The following CADPS variants were observed in gnomAD, a reference collection of about 807,000 sequenced individuals.
The protein encoded by CADPS is calcium-dependent secretion activator 1.
A neutral mutation model predicts 167.3 loss-of-function variants in CADPS; 57 were observed. The observed-to-expected ratio is 0.34, with a 90% CI of 0.28 to 0.42. The LOEUF is 0.42. Among genes scored for constraint, CADPS ranks in the 20% least tolerant of loss-of-function variants. The pLI, the probability that CADPS is intolerant of heterozygous loss-of-function variation, is 1.00. For synonymous variants in CADPS, 676 were observed against 635.3 expected (o/e 1.06, Z -0.96); for missense variants, 1,414 against 1,738.1 (o/e 0.81, Z 3.32).
intron 21 of CADPS, among the ~76,000 whole-genome samples, chr3:62,488,562 GGCTCA>G (rs1305584900): frequency 6.6e-6 from 1 of 151,974 alleles, no homozygotes; most frequent in Non-Finnish European, 1.5e-5. Context: ...GCAGGATCAT[GGCTCA>G]CTGTAACCTT....
intron 3 of CADPS, among the ~76,000 whole-genome samples, chr3:62,695,153 A>G (rs1386305139): frequency 6.6e-6 from 1 of 152,092 alleles, no homozygotes; most frequent in African/African-American, 2.4e-5. Flanking sequence ...TTAACAGAAC[A>G]CAAAGATAGA....
chr3:62,475,602 A>AAC (rs1560910798), intron 23 of CADPS, among the ~76,000 whole-genome samples: 42 of 150,058 alleles, frequency 2.8e-4, no homozygotes, highest in Admixed American at 7.3e-4. Flanking sequence ...AAAAAAAAAA[A>AAC]AAAAAAAAAA....
At chr3:62,802,035 G>A (rs1052116667) in intron 1 of CADPS, among the ~76,000 whole-genome samples, 4 of 152,096 alleles carry the variant, frequency 2.6e-5, no homozygotes, top group Non-Finnish European at 5.9e-5. Flanking sequence ...TGAGGAGAAA[G>A]ATTCAGATTG....
intron 3 of CADPS, among the ~76,000 whole-genome samples, chr3:62,674,993 G>T (rs539930969): frequency 2.8e-4 from 42 of 152,252 alleles, no homozygotes; most frequent in African/African-American, 1.0e-3. Context: ...TTATTCCATG[G>T]TAAGAAGTTA....
In CADPS at chr3:62,464,430, T is replaced by A. The variant is rs550623141; in HGVS notation, c.3636+937A>T. Reference sequence around the variant, plus strand: ...TAAATTGATTCCCTTTCCTATGGTGTTGTCAGAGGAAAACAGCTAGTCTCA... The same window carrying A: ...TAAATTGATTCCCTTTCCTATGGTGATGTCAGAGGAAAACAGCTAGTCTCA... On this transcript the variant is annotated intron_variant, in intron 26 of 29. Transcript: ENST00000383710. 1.2e-3 allele frequency among the ~76,000 whole-genome samples: 187 copies of A among 152,264 alleles called. 2 individuals carry two copies. The highest frequency in any genetic ancestry group is 0.01 in the Middle Eastern group (3 of 294).
At chr3:62,719,748 C>T (rs1274838598) in intron 3 of CADPS, among the ~76,000 whole-genome samples, 1 of 152,186 alleles carries the variant, frequency 6.6e-6, no homozygotes, top group Non-Finnish European at 1.5e-5. Flanking sequence ...AACTAAATGG[C>T]CGTGATGGTC....
chr3:62,860,535 TCA>T (rs1286204775), intron 1 of CADPS, among the ~76,000 whole-genome samples: 3 of 152,150 alleles, frequency 2.0e-5, no homozygotes, highest in Admixed American at 6.6e-5. Flanking sequence ...TGTGTGGGTT[TCA>T]CATCCTGCTA....
At chr3:62,831,745 T>C (rs1644333683) in intron 1 of CADPS, among the ~76,000 whole-genome samples, 1 of 152,058 alleles carries the variant, frequency 6.6e-6, no homozygotes, top group South Asian at 2.1e-4. Context: ...AAAGGAAAAA[T>C]CACTACATAA....
At chr3:62,624,490 T>TA (rs2063686874) in intron 6 of CADPS, among the ~76,000 whole-genome samples, 1 of 152,034 alleles carries the variant, frequency 6.6e-6, no homozygotes, top group South Asian at 2.1e-4. Context: ...GGGCTGGTAA[T>TA]ATATTTTTTT....
chr3:62,411,624 C>T (rs1237693519), intron 28 of CADPS, among the ~76,000 whole-genome samples: 2 of 152,306 alleles, frequency 1.3e-5, no homozygotes, highest in East Asian at 3.9e-4. Context: ...GCTTCATTAG[C>T]CTAAGCCAAA....
At chr3:62,851,087 G>T (rs12629783) in intron 1 of CADPS, among the ~76,000 whole-genome samples, 29,353 of 105,484 alleles carry the variant, frequency 0.28, 4,732 homozygotes, top group East Asian at 0.39. Flanking sequence ...TCAGAGACTA[G>T]GATTGCAACC....
intron 6 of CADPS, among the ~76,000 whole-genome samples, chr3:62,606,577 T>C (rs2060724153): frequency 6.6e-6 from 1 of 152,330 alleles, no homozygotes; most frequent in East Asian, 1.9e-4. Flanking sequence ...TCCTTTTCTT[T>C]ATAAATTATC....
In CADPS at chr3:62,481,740, A is replaced by C. The variant is rs745782734; in HGVS notation, c.3156T>G (p.Ala1052=). ...MPTFSAPSWM[A]AIYDADNGSG... ...ATACACACTCCGCATCATATATAGC[A>C]GCCATCCATGACGGTGCCGAAAAAG... The change falls in exon 22 of 30, where the codon GCT becomes GCG. Residue 1052 remains alanine (A), a synonymous_variant. Coordinates refer to ENST00000383710, the MANE Select transcript of CADPS (RefSeq NM_003716.4). The C allele has an allele frequency of 1.2e-6, 2 of 1,604,022 alleles. No homozygotes were observed. Among genetic ancestry groups the C allele is most frequent in the Non-Finnish European group, 1.7e-6 (2 of 1,177,198 alleles).
At chr3:62,494,281 T>C (rs1000607619) in intron 18 of CADPS, among the ~76,000 whole-genome samples, 1 of 152,164 alleles carries the variant, frequency 6.6e-6, no homozygotes, top group African/African-American at 2.4e-5. Flanking sequence ...GTCCAGTAGA[T>C]AGAGAAACCC....
intron 28 of CADPS, among the ~76,000 whole-genome samples, chr3:62,429,105 T>C (rs935187073): frequency 2.0e-5 from 3 of 152,248 alleles, no homozygotes; most frequent in Non-Finnish European, 4.4e-5. Context: ...CTGCATCACA[T>C]AAATATTGTT....
At chr3:62,732,163 C>A (rs1454830719) in intron 3 of CADPS, among the ~76,000 whole-genome samples, 1 of 152,104 alleles carries the variant, frequency 6.6e-6, no homozygotes, top group Non-Finnish European at 1.5e-5. Flanking sequence ...CCTTGTGTAA[C>A]CTCTTCTTCT....
intron 1 of CADPS, among the ~76,000 whole-genome samples, chr3:62,815,320 G>A (rs2094563676): frequency 6.6e-6 from 1 of 151,802 alleles, no homozygotes; most frequent in East Asian, 1.9e-4. Context: ...AAATTAGTGA[G>A]TGAAGAGGCC....
intron 1 of CADPS, among the ~76,000 whole-genome samples, chr3:62,771,836 G>T (rs1235831970): frequency 1.2e-4 from 18 of 152,194 alleles, no homozygotes; most frequent in Admixed American, 1.2e-3. Flanking sequence ...CAGGCAGTTT[G>T]TAATTTACTG....
intron 1 of CADPS, among the ~76,000 whole-genome samples, chr3:62,831,944 T>C (rs546236454): frequency 6.6e-6 from 1 of 152,196 alleles, no homozygotes; most frequent in Non-Finnish European, 1.5e-5. Flanking sequence ...CAAGATCTCT[T>C]GGCTAACAAG....
Sources: gnomAD v4.1 joint callset for allele counts (sites outside exome capture counted in the v4.1 genomes callset) on GRCh38, gnomAD v4.1.1 for gene constraint, MANE v1.5 for transcripts, NCBI Gene and HGNC (gene_info 2026-07-23, HGNC 2026-07-21) for gene names.